CTNNA3: variants seen among roughly 807,000 people sequenced by gnomAD.
The protein encoded by CTNNA3 is catenin alpha-3.
CTNNA3 carries 76 observed loss-of-function variants against 95.7 expected under a neutral mutation model. The ratio of observed to expected loss-of-function variants is 0.79; its 90% CI spans 0.66 to 0.96. CTNNA3 has a LOEUF of 0.96. CTNNA3 is among the 40% of genes least tolerant of loss of function. The pLI, the probability that CTNNA3 is intolerant of heterozygous loss-of-function variation, is 0.00. For synonymous variants in CTNNA3, 431 were observed against 374.4 expected, an observed-to-expected ratio of 1.15 and a Z score of -1.74; for missense variants, 1,191 against 1,089.8, an observed-to-expected ratio of 1.09 and a Z score of -1.31.
At chr10:66,188,490 A>T (rs1014349040) in intron 13 of CTNNA3, among the ~76,000 whole-genome samples, 3 of 145,138 alleles carry the variant, frequency 2.1e-5, no homozygotes, top group Admixed American at 6.9e-5. Flanking sequence ...GTCTTTTTGC[A>T]TTTGGCTTAT....
chr10:67,593,823 C>T (rs915784477), intron 3 of CTNNA3, among the ~76,000 whole-genome samples: 1 of 152,098 alleles, frequency 6.6e-6, no homozygotes, highest in African/African-American at 2.4e-5. Flanking sequence ...GGGTGGGCAT[C>T]CTTGTCTTGC....
chr10:66,159,650 G>A (rs913415725), intron 13 of CTNNA3, among the ~76,000 whole-genome samples: 1 of 86,946 alleles, frequency 1.2e-5, no homozygotes, highest in African/African-American at 4.0e-5. Flanking sequence ...TTTTGGTTAT[G>A]TTCTTTCCTG....
chr10:65,931,293 C>T (rs1589141609), intron 17 of CTNNA3, among the ~76,000 whole-genome samples: 1 of 152,274 alleles, frequency 6.6e-6, no homozygotes, highest in East Asian at 1.9e-4. Flanking sequence ...TTCTCGTAGT[C>T]TCATTTAACT....
chr10:67,553,188 ACTC>A (rs1471477364), intron 3 of CTNNA3, among the ~76,000 whole-genome samples: 2 of 151,906 alleles, frequency 1.3e-5, no homozygotes, highest in Non-Finnish European at 2.9e-5. Flanking sequence ...AAGTTCAACA[ACTC>A]CTTTCTCTCC....
At chr10:66,858,407 G>C (rs1002020351) in intron 7 of CTNNA3, among the ~76,000 whole-genome samples, 1 of 151,958 alleles carries the variant, frequency 6.6e-6, no homozygotes, top group African/African-American at 2.4e-5. Context: ...GGATGAGGCT[G>C]GTCTCATAGA....
chr10:67,473,502 G>A lies in CTNNA3; in HGVS notation c.579+48340C>T, dbSNP rs1008990431. On this transcript the variant is annotated intron_variant, in intron 5 of 17. Coordinates refer to ENST00000433211, the MANE Select transcript of CTNNA3 (RefSeq NM_013266.4). ...ATAATATTTCATGTCAGATATCCAT[G>A]TTCAGCCTATTACTTTATTATGCAG... 2.0e-5 allele frequency among the ~76,000 whole-genome samples: 3 copies of A among 152,152 alleles called. No individual in the cohort carries two copies. The South Asian group carries it at 6.2e-4, about 32-fold the overall frequency.
chr10:67,358,300 C>T (rs542586845), intron 5 of CTNNA3, among the ~76,000 whole-genome samples: 3 of 152,126 alleles, frequency 2.0e-5, no homozygotes. Flanking sequence ...CATTTTGCTT[C>T]TCAAAAGACA....
intron 5 of CTNNA3, among the ~76,000 whole-genome samples, chr10:67,372,189 C>T (rs1843494478): frequency 6.6e-6 from 1 of 152,086 alleles, no homozygotes; most frequent in Admixed American, 6.5e-5. Context: ...CCTATTCACT[C>T]TGATGGTATT....
At chr10:66,081,282 A>G (rs1181893461) in intron 14 of CTNNA3, among the ~76,000 whole-genome samples, 3 of 152,120 alleles carry the variant, frequency 2.0e-5, no homozygotes, top group African/African-American at 7.2e-5. Context: ...GGTGGCAAAA[A>G]GTAAGTAATT....
intron 5 of CTNNA3, among the ~76,000 whole-genome samples, chr10:67,510,862 T>C (rs1839603688): frequency 6.6e-6 from 1 of 152,208 alleles, no homozygotes; most frequent in African/African-American, 2.4e-5. Flanking sequence ...TGTCCTCTTA[T>C]TTCCTTGAGC....
At chr10:67,496,220 T>C (rs532525194) in intron 5 of CTNNA3, among the ~76,000 whole-genome samples, 8 of 152,292 alleles carry the variant, frequency 5.3e-5, no homozygotes, top group African/African-American at 1.9e-4. Flanking sequence ...AGAACACAGC[T>C]TTCATCTTGC....
intron 11 of CTNNA3, among the ~76,000 whole-genome samples, chr10:66,392,538 A>T (rs1313482165): frequency 1.3e-5 from 2 of 152,146 alleles, no homozygotes; most frequent in Non-Finnish European, 2.9e-5. Context: ...TAATTCTTAA[A>T]ATTCAATAAT....
intron 16 of CTNNA3, among the ~76,000 whole-genome samples, chr10:65,986,264 T>C (rs1349937120): frequency 1.3e-5 from 2 of 150,076 alleles, no homozygotes; most frequent in Non-Finnish European, 3.0e-5. Flanking sequence ...GACTACCATG[T>C]GCTCACAAAA....
chr10:65,963,183 G>A (rs894951494), intron 17 of CTNNA3, among the ~76,000 whole-genome samples: 1 of 151,964 alleles, frequency 6.6e-6, no homozygotes, highest in African/African-American at 2.4e-5. Context: ...TTGCCTACAG[G>A]GTAAAATTAA....
chr10:66,817,013 C>T (rs1842113072), intron 7 of CTNNA3, among the ~76,000 whole-genome samples: 1 of 151,944 alleles, frequency 6.6e-6, no homozygotes, highest in Admixed American at 6.5e-5. Flanking sequence ...TTATGGGATG[C>T]ACCTAAAGCA....
intron 13 of CTNNA3, among the ~76,000 whole-genome samples, chr10:66,115,581 A>ATAGG: frequency 7.2e-6 from 1 of 138,910 alleles, no homozygotes; most frequent in East Asian, 2.1e-4. Flanking sequence ...CAGATAGATG[A>ATAGG]TAGATAGATA....
intron 13 of CTNNA3, among the ~76,000 whole-genome samples, chr10:66,142,222 A>G (rs750591130): frequency 6.6e-6 from 1 of 152,162 alleles, no homozygotes; most frequent in African/African-American, 2.4e-5. Context: ...TGTTTGTTAC[A>G]TGTAGATATC....
chr10:67,751,029 A>T (rs1213471560), intron 1 of CTNNA3: 11 of 1,531,002 alleles, frequency 7.2e-6, no homozygotes, highest in Non-Finnish European at 1.0e-5. Flanking sequence ...CCAGGTTCTG[A>T]TCCATTTCCA....
intron 7 of CTNNA3, among the ~76,000 whole-genome samples, chr10:66,847,181 T>A (rs916709174): frequency 1.3e-5 from 2 of 152,226 alleles, no homozygotes; most frequent in Admixed American, 6.5e-5. Context: ...ATTTCATTTT[T>A]GAAAGCAGCA....
Sources: gnomAD v4.1 joint callset for allele counts (sites outside exome capture counted in the v4.1 genomes callset) on GRCh38, gnomAD v4.1.1 for gene constraint, MANE v1.5 for transcripts, NCBI Gene and HGNC (gene_info 2026-07-23, HGNC 2026-07-21) for gene names.